The following PTPRN2 variants were observed in gnomAD, a reference collection of about 807,000 sequenced individuals.
The protein encoded by PTPRN2 is protein tyrosine phosphatase receptor type N2, also known as receptor-type tyrosine-protein phosphatase N2.
PTPRN2 carries 74 observed loss-of-function variants against 118.8 expected under a neutral mutation model. That is an observed-to-expected ratio of 0.62 (90% CI 0.52 to 0.76). The LOEUF (loss-of-function observed/expected upper bound fraction) is 0.76. PTPRN2 is among the 30% of genes least tolerant of loss of function. The pLI is 0.00. For missense variants in PTPRN2, 1,481 were observed against 1,394.4 expected (o/e 1.06, Z -0.99); for synonymous variants, 641 against 608.0 (o/e 1.05, Z -0.80).
intron 2 of PTPRN2, among the ~76,000 whole-genome samples, chr7:158,419,418 T>TCCGTCA (rs1439670396): frequency 1.8e-4 from 28 of 151,976 alleles, no homozygotes; most frequent in Non-Finnish European, 2.9e-4. Context: ...TTGCAAGAAT[T>TCCGTCA]CTGTCACTGC....
intron 3 of PTPRN2, among the ~76,000 whole-genome samples, chr7:158,241,224 C>T (rs1359175773): frequency 6.6e-6 from 1 of 152,160 alleles, no homozygotes; most frequent in African/African-American, 2.4e-5. Flanking sequence ...AATTAGAATC[C>T]TTCACTTTCG....
intron 2 of PTPRN2, among the ~76,000 whole-genome samples, chr7:158,324,456 C>G (rs1401240929): frequency 6.6e-6 from 1 of 151,838 alleles, no homozygotes; most frequent in Non-Finnish European, 1.5e-5. Context: ...GTCCTCACCC[C>G]TGGCAGTGAC....
intron 12 of PTPRN2, among the ~76,000 whole-genome samples, chr7:157,757,047 AG>A (rs1440495375): frequency 6.6e-6 from 1 of 152,234 alleles, no homozygotes; most frequent in Non-Finnish European, 1.5e-5. Flanking sequence ...CTGCCAGAAA[AG>A]CAAACGGGCA....
intron 22 of PTPRN2, 126 bp downstream of exon 22, chr7:157,548,820 G>A (rs1431897314): frequency 4.0e-6 from 4 of 990,860 alleles, no homozygotes; most frequent in East Asian, 2.5e-5. Flanking sequence ...GGACGAGGCC[G>A]GTCAGAGCAG....
intron 12 of PTPRN2, among the ~76,000 whole-genome samples, chr7:157,777,505 C>T (rs906011032): frequency 1.3e-5 from 2 of 152,178 alleles, no homozygotes; most frequent in African/African-American, 2.4e-5. Context: ...CCGGAGGACA[C>T]GCAGTGCCCC....
At chr7:158,319,423 C>CCT in intron 2 of PTPRN2, among the ~76,000 whole-genome samples, 1 of 98,084 alleles carries the variant, frequency 1.0e-5, no homozygotes, top group African/African-American at 5.5e-5. Flanking sequence ...GCCTCCCACA[C>CCT]ACACACACAC....
At chr7:157,706,978 T>C (rs1020482945) in intron 12 of PTPRN2, among the ~76,000 whole-genome samples, 1 of 152,152 alleles carries the variant, frequency 6.6e-6, no homozygotes, top group Non-Finnish European at 1.5e-5. Flanking sequence ...CCTTCCAGAA[T>C]GCCGGGAACT....
chr7:158,452,804 C>T (rs970477435), intron 2 of PTPRN2, among the ~76,000 whole-genome samples: 1 of 152,216 alleles, frequency 6.6e-6, no homozygotes, highest in African/African-American at 2.4e-5. Flanking sequence ...ACATTTGGGG[C>T]GGCTGTTGCA....
At chr7:158,124,736 G>A (rs1305857738) in intron 9 of PTPRN2, among the ~76,000 whole-genome samples, 1 of 152,078 alleles carries the variant, frequency 6.6e-6, no homozygotes, top group Admixed American at 6.5e-5. Flanking sequence ...GGAGGGCCTG[G>A]TGGAGTGTCC....
At chr7:158,139,623 G>A (rs1479154880) in intron 6 of PTPRN2, among the ~76,000 whole-genome samples, 3 of 151,858 alleles carry the variant, frequency 2.0e-5, no homozygotes, top group East Asian at 1.9e-4. Flanking sequence ...GGAGAACCAC[G>A]CCATGACTTC....
intron 11 of PTPRN2, among the ~76,000 whole-genome samples, chr7:157,946,576 G>A (rs2128797076): frequency 6.6e-6 from 1 of 152,340 alleles, no homozygotes; most frequent in South Asian, 2.1e-4. Flanking sequence ...GGAACAGGAT[G>A]ATCCTCCACC....
At chr7:158,440,864 C>T (rs1816982330) in intron 2 of PTPRN2, among the ~76,000 whole-genome samples, 5 of 64,192 alleles carry the variant, frequency 7.8e-5, no homozygotes, top group Admixed American at 1.7e-4. Context: ...GTGGTGGGGG[C>T]AGTGGTATTG....
At chr7:158,323,309 T>A (rs1803191770) in intron 2 of PTPRN2, among the ~76,000 whole-genome samples, 4 of 151,882 alleles carry the variant, frequency 2.6e-5, no homozygotes. Flanking sequence ...CCCACAGAAC[T>A]CCAATCTCAG....
chr7:158,330,311 C>T (rs1256284770), intron 2 of PTPRN2, among the ~76,000 whole-genome samples: 7 of 60,238 alleles, frequency 1.2e-4, no homozygotes, highest in Non-Finnish European at 2.4e-4. Context: ...TAAGAGCTGA[C>T]ACCCGCAGAC....
chr7:157,595,366 T>TGGAGGTTAGGAAGCCA, intron 16 of PTPRN2, 51 bp from the exon 17 acceptor site: 1 of 1,177,874 alleles, frequency 8.5e-7, no homozygotes, highest in Non-Finnish European at 1.2e-6. Context: ...TTAGGAAGCC[T>TGGAGGTTAGGAAGCCA]GGAGGTTAGG....
chr7:158,311,082 G>A (rs1404420143), intron 3 of PTPRN2, among the ~76,000 whole-genome samples: 2 of 152,158 alleles, frequency 1.3e-5, no homozygotes, highest in Admixed American at 1.3e-4. Flanking sequence ...AAACAAGACA[G>A]GCGAGCACAG....
intron 12 of PTPRN2, among the ~76,000 whole-genome samples, chr7:157,847,176 T>C (rs1395511151): frequency 7.4e-6 from 1 of 134,250 alleles, no homozygotes; most frequent in Admixed American, 7.3e-5. Context: ...CAGAGCCCTC[T>C]CTCACTCCAT....
At chr7:158,101,349 T>A (rs1815211280) in intron 10 of PTPRN2, among the ~76,000 whole-genome samples, 1 of 152,134 alleles carries the variant, frequency 6.6e-6, no homozygotes, top group African/African-American at 2.4e-5. Flanking sequence ...TCCTCATCTC[T>A]CCCCTTATCC....
chr7:157,837,247 A>G (rs1220147526), intron 12 of PTPRN2, among the ~76,000 whole-genome samples: 4 of 129,214 alleles, frequency 3.1e-5, no homozygotes, highest in Non-Finnish European at 4.9e-5. Flanking sequence ...CCACCCTTCC[A>G]TGTGTCCCTC....
Sources: gnomAD v4.1 joint callset for allele counts (sites outside exome capture counted in the v4.1 genomes callset) on GRCh38, gnomAD v4.1.1 for gene constraint, MANE v1.5 for transcripts, NCBI Gene and HGNC (gene_info 2026-07-23, HGNC 2026-07-21) for gene names.